The following CCDC125 variants were observed in gnomAD, a reference collection of about 807,000 sequenced individuals.
CCDC125 encodes the protein coiled-coil domain-containing protein 125.
CCDC125 carries 43 observed loss-of-function variants against 57.4 expected under a neutral mutation model. That is an observed-to-expected ratio of 0.75 (90% CI 0.59 to 0.97). CCDC125 has a LOEUF of 0.97. Ranked by LOEUF, CCDC125 falls within the 50% of genes least tolerant of loss-of-function variation. CCDC125 has a pLI of 0.00. For missense variants in CCDC125, 563 were observed against 595.7 expected, an observed-to-expected ratio of 0.95 and a Z score of 0.57; for synonymous variants, 187 against 195.2, an observed-to-expected ratio of 0.96 and a Z score of 0.35.
At chr5:69,297,626 T>A (rs1357066653) in intron 8 of CCDC125, among the ~76,000 whole-genome samples, 1 of 151,498 alleles carries the variant, frequency 6.6e-6, no homozygotes, top group Non-Finnish European at 1.5e-5. Flanking sequence ...CGCAAAGTGC[T>A]GGGATTACAG....
chr5:69,324,574 C>G (rs1014832825), intron 1 of CCDC125, among the ~76,000 whole-genome samples: 1 of 152,218 alleles, frequency 6.6e-6, no homozygotes, highest in Non-Finnish European at 1.5e-5. Flanking sequence ...AAGTGTCCAT[C>G]TGCAGTAAAA....
In CCDC125 at chr5:69,282,648, G is replaced by T; in HGVS notation, c.*81C>A. ...ACCTAGGAAACATACAACTTCTCAAGATGCAGCAAAATTTACAAAATCATT... is the reference window on the plus strand; with the variant it reads ...ACCTAGGAAACATACAACTTCTCAATATGCAGCAAAATTTACAAAATCATT... On this transcript the variant is annotated 3_prime_UTR_variant, in exon 12 of 12. Transcript: ENST00000396496. 8.3e-7 allele frequency: 1 copy of T among 1,211,282 alleles called. No homozygotes were observed. 75.0% of individuals were successfully genotyped at this position (1,211,282 alleles called of 1,614,324 possible).
intron 1 of CCDC125, among the ~76,000 whole-genome samples, chr5:69,322,419 T>C (rs536944934): frequency 5.3e-4 from 81 of 152,246 alleles, no homozygotes; most frequent in Non-Finnish European, 1.5e-5. Flanking sequence ...CCCCTGTGTA[T>C]TTCCTTGGAT....
intron 1 of CCDC125, among the ~76,000 whole-genome samples, chr5:69,323,068 A>G (rs946032069): frequency 2.0e-5 from 3 of 151,914 alleles, no homozygotes; most frequent in Non-Finnish European, 4.4e-5. Context: ...GCACTTTCAG[A>G]GGCCAAGGTG....
At chr5:69,304,642 C>A (rs1019843406) in intron 6 of CCDC125, among the ~76,000 whole-genome samples, 4 of 151,906 alleles carry the variant, frequency 2.6e-5, no homozygotes, top group African/African-American at 9.7e-5. Context: ...CTGGGCTGAT[C>A]TCAAACTCCT....
intron 8 of CCDC125, 52 bp from the exon 9 acceptor site, chr5:69,294,952 T>C: frequency 6.7e-7 from 1 of 1,488,860 alleles, no homozygotes; most frequent in Non-Finnish European, 9.3e-7. Flanking sequence ...CTGTTTTAGC[T>C]GCACACAAAC....
At chr5:69,331,003 C>CT (rs1296887091) in intron 1 of CCDC125, among the ~76,000 whole-genome samples, 8 of 151,852 alleles carry the variant, frequency 5.3e-5, no homozygotes, top group Non-Finnish European at 1.2e-4. Context: ...CCCTGTTTTC[C>CT]TTTTTAAAAA....
chr5:69,306,917 T>G lies in CCDC125; in HGVS notation c.532-15A>C. On this transcript the variant is annotated splice_polypyrimidine_tract_variant and intron_variant, in intron 5 of 11. Coordinates refer to ENST00000396496, the MANE Select transcript of CCDC125 (RefSeq NM_176816.5). Reference sequence around the variant, plus strand: ...GCATTTATTTCCTATGGAAAGAAAATAGTACCTTCATGGCAAATTACTACA... The same window carrying G: ...GCATTTATTTCCTATGGAAAGAAAAGAGTACCTTCATGGCAAATTACTACA... The G allele has an allele frequency of 6.7e-7, 1 of 1,489,466 alleles. No individual in the cohort carries two copies. Among genetic ancestry groups the G allele is most frequent in the Non-Finnish European group, 8.9e-7 (1 of 1,123,172 alleles). The allele number at this position is 1,489,466 out of a possible 1,614,324, so 92.3% of individuals were successfully genotyped here.
chr5:69,293,083 C>T (rs1754735598), intron 9 of CCDC125, among the ~76,000 whole-genome samples: 2 of 151,750 alleles, frequency 1.3e-5, no homozygotes, highest in South Asian at 2.1e-4. Context: ...TCAGGTAATC[C>T]ACCCGCCTCG....
chr5:69,312,838 T>C (rs1218382842), intron 3 of CCDC125, among the ~76,000 whole-genome samples: 1 of 152,184 alleles, frequency 6.6e-6, no homozygotes, highest in Non-Finnish European at 1.5e-5. Flanking sequence ...TATCTATCAA[T>C]GGACTTTATT....
chr5:69,292,547 T>G (rs1468545016), intron 9 of CCDC125, among the ~76,000 whole-genome samples, 185 bp from the exon 10 acceptor site: 1 of 152,190 alleles, frequency 6.6e-6, no homozygotes, highest in Non-Finnish European at 1.5e-5. Flanking sequence ...CTTACTCTGA[T>G]CCAGATTATC....
chr5:69,314,898 A>C (rs1758760993), intron 2 of CCDC125, among the ~76,000 whole-genome samples: 1 of 152,224 alleles, frequency 6.6e-6, no homozygotes, highest in African/African-American at 2.4e-5. Context: ...AATATTGGTG[A>C]GTAAAATAAA....
chr5:69,274,769 C>G, the CCDC125 span, among the ~76,000 whole-genome samples: 1 of 152,074 alleles, frequency 6.6e-6, no homozygotes, highest in African/African-American at 2.4e-5. Context: ...GTGCACACCA[C>G]CATGCCTGGC....
chr5:69,285,858 G>A (rs1390695302), intron 10 of CCDC125, among the ~76,000 whole-genome samples: 2 of 152,086 alleles, frequency 1.3e-5, no homozygotes, highest in Non-Finnish European at 1.5e-5. Flanking sequence ...GCCACAGGGG[G>A]CCTCTGAGCC....
At chr5:69,284,963 G>C (rs974615524) in intron 11 of CCDC125, among the ~76,000 whole-genome samples, 1 of 152,084 alleles carries the variant, frequency 6.6e-6, no homozygotes, top group Non-Finnish European at 1.5e-5. Flanking sequence ...CAGGCGTGGT[G>C]GTGGGCGCCT....
rs1752420167 is a variant in CCDC125, at chr5:69,280,670, A to C, written c.*2059T>G. On this transcript the variant is annotated 3_prime_UTR_variant, in exon 12 of 12. Transcript: ENST00000396496. ...TAAATTCTTTTAAACCAAGAAGACA[A>C]GAACTGAGGTATCACAACAGCTGTC... 1 of 152,252 alleles carries C rather than the reference A, an allele frequency of 6.6e-6. No homozygotes were observed. The highest frequency in any genetic ancestry group is 2.1e-4 in the South Asian group (1 of 4,834). 9.4% of individuals were successfully genotyped at this position (152,252 alleles called of 1,614,324 possible). A position where few individuals can be genotyped will look rare whatever the true frequency, so the allele number is the denominator to read the frequency against.
rs894718568 is a variant in CCDC125, at chr5:69,311,164, C to T, written c.407G>A (p.Arg136Lys). 87 of 1,611,890 alleles carry T rather than the reference C, an allele frequency of 5.4e-5. No individual in the cohort carries two copies. The highest frequency in any genetic ancestry group is 7.4e-5 in the Non-Finnish European group (87 of 1,178,720). ...TGCTTCCTCTTTACCTCTGAGTTGT[C>T]TTTGAGATGCCTCAAGTTCAGTTTT... ...MLKTELEASQ[R>K]QLRGKEEALK... is the part of the protein sequence containing the mutation. The change falls in exon 4 of 12, where the codon AGA becomes AAA. Residue 136 changes from arginine to lysine, a missense_variant. Coordinates refer to ENST00000396496, the MANE Select transcript of CCDC125 (RefSeq NM_176816.5).
chr5:69,326,349 T>C (rs1402626151), intron 1 of CCDC125, among the ~76,000 whole-genome samples: 3 of 152,220 alleles, frequency 2.0e-5, no homozygotes, highest in Non-Finnish European at 4.4e-5. Flanking sequence ...CAGATTTTTA[T>C]AAAATCATCT....
At chr5:69,294,399 C>T (rs905997490) in intron 9 of CCDC125, among the ~76,000 whole-genome samples, 2 of 151,802 alleles carry the variant, frequency 1.3e-5, no homozygotes, top group Non-Finnish European at 2.9e-5. Flanking sequence ...CCTCCGCCTC[C>T]CGGATTCAAG....
Sources: allele counts gnomAD v4.1 joint callset (sites outside exome capture counted in the v4.1 genomes callset), GRCh38; gene constraint gnomAD v4.1.1; transcripts MANE v1.5; gene names NCBI Gene and HGNC (gene_info 2026-07-23, HGNC 2026-07-21).